CCDC73: variants seen among roughly 807,000 people sequenced by gnomAD.
The protein encoded by CCDC73 is coiled-coil domain-containing protein 73.
A neutral mutation model predicts 116.5 loss-of-function variants in CCDC73; 95 were observed. The ratio of observed to expected loss-of-function variants is 0.82; its 90% CI spans 0.69 to 0.97. The LOEUF is 0.97. Among genes scored for constraint, CCDC73 ranks in the 50% least tolerant of loss-of-function variants. The pLI, the probability that CCDC73 is intolerant of heterozygous loss-of-function variation, is 0.00. For missense variants in CCDC73, 1,066 were observed against 1,206.8 expected (o/e 0.88, Z 1.73); for synonymous variants, 398 against 401.3 (o/e 0.99, Z 0.10).
rs750853652 is a variant in CCDC73 at position 32,642,025 on chromosome 11, A to T, written c.997T>A (p.Phe333Ile). ...REKVKENEEK[F>I]LNLQNEHEKA... ...TCATGCTCATTTTGAAGATTAAGAAACTTTTCTTCATTTTCTTTTACCTTC... is the reference window on the plus strand; with the variant it reads ...TCATGCTCATTTTGAAGATTAAGAATCTTTTCTTCATTTTCTTTTACCTTC... The change falls in exon 13 of 18, where the codon TTT becomes ATT. Residue 333 changes from phenylalanine (F) to isoleucine (I), a missense_variant. Coordinates refer to ENST00000335185, the MANE Select transcript of CCDC73 (RefSeq NM_001008391.4). 2 of 1,567,988 alleles carry T rather than the reference A, an allele frequency of 1.3e-6. No homozygotes were observed. Among genetic ancestry groups the T allele is most frequent in the South Asian group, 2.4e-5 (2 of 82,144 alleles).
chr11:32,822,753 GAAA>G, the CCDC73 span, among the ~76,000 whole-genome samples: 1 of 151,184 alleles, frequency 6.6e-6, no homozygotes, highest in Non-Finnish European at 1.5e-5. Flanking sequence ...TGACTTAGAA[GAAA>G]TAAGAGGGAA....
chr11:32,620,371 C>T (rs1855512476), intron 14 of CCDC73, among the ~76,000 whole-genome samples: 2 of 151,966 alleles, frequency 1.3e-5, no homozygotes, highest in Non-Finnish European at 2.9e-5. Context: ...AGACAGAAAC[C>T]ACAGTTTTCT....
rs764026033 is a variant in CCDC73, at chr11:32,700,778, A to T, written c.315+13T>A. On this transcript the variant is annotated intron_variant, in intron 5 of 17. Transcript: ENST00000335185. Reference sequence around the variant, plus strand: ...TTTTAATAGACAGAAAATTTTAAAAAAATTATAAATACCTTTTCTTCTTCC... The same window carrying T: ...TTTTAATAGACAGAAAATTTTAAAATAATTATAAATACCTTTTCTTCTTCC... 7.4e-6 allele frequency: 10 copies of T among 1,348,458 alleles called. No individual in the cohort carries two copies. In the African/African-American group the frequency reaches 1.5e-4, roughly 20 times the overall value. The allele number at this position is 1,348,458 out of a possible 1,614,324, so 83.5% of individuals were successfully genotyped here. A position where few individuals can be genotyped will look rare whatever the true frequency, so the allele number is the denominator to read the frequency against.
At chr11:32,701,755 A>G (rs1274810043) in intron 4 of CCDC73, among the ~76,000 whole-genome samples, 1 of 152,140 alleles carries the variant, frequency 6.6e-6, no homozygotes, top group Non-Finnish European at 1.5e-5. Context: ...ACCAAAGGAA[A>G]ATTATGAAAT....
At chr11:32,699,889 T>A (rs1428714840) in intron 5 of CCDC73, among the ~76,000 whole-genome samples, 21 of 149,046 alleles carry the variant, frequency 1.4e-4, no homozygotes, top group African/African-American at 4.7e-4. Context: ...AATATATATA[T>A]ATATATATAT....
intron 2 of CCDC73, among the ~76,000 whole-genome samples, chr11:32,753,307 T>C (rs939990679): frequency 6.6e-6 from 1 of 150,996 alleles, no homozygotes; most frequent in Admixed American, 6.6e-5. Context: ...TTTTTTTTTT[T>C]TTCTTTTTGA....
chr11:32,759,524 G>T (rs936855696), intron 2 of CCDC73, among the ~76,000 whole-genome samples: 4 of 151,764 alleles, frequency 2.6e-5, no homozygotes, highest in African/African-American at 7.3e-5. Context: ...TAGAGACAGG[G>T]TTTCACCATG....
At chr11:32,762,217 C>T (rs968322475) in intron 1 of CCDC73, among the ~76,000 whole-genome samples, 3 of 152,072 alleles carry the variant, frequency 2.0e-5, no homozygotes, top group Non-Finnish European at 4.4e-5. Flanking sequence ...TGGACCAATC[C>T]TCCTACTAAA....
chr11:32,829,994 G>A, the CCDC73 span: 2 of 984,184 alleles, frequency 2.0e-6, no homozygotes, highest in Non-Finnish European at 2.4e-6. Flanking sequence ...GCGCCCCTCT[G>A]CGAACCCCAG....
At chr11:32,732,751 A>C (rs1230742545) in intron 2 of CCDC73, among the ~76,000 whole-genome samples, 1 of 152,198 alleles carries the variant, frequency 6.6e-6, no homozygotes, top group East Asian at 1.9e-4. Context: ...CCTGCCTTAC[A>C]AGAGCTCCTG....
intron 13 of CCDC73, among the ~76,000 whole-genome samples, chr11:32,639,759 C>A (rs1252815369): frequency 1.3e-5 from 2 of 152,032 alleles, no homozygotes; most frequent in Non-Finnish European, 1.5e-5. Context: ...AAATTGAATT[C>A]TTTTTGTGAC....
chr11:32,699,783 G>A (rs1367884011), intron 5 of CCDC73, among the ~76,000 whole-genome samples: 1 of 151,920 alleles, frequency 6.6e-6, no homozygotes, highest in African/African-American at 2.4e-5. Context: ...TAATGTTAAT[G>A]ACGAGTTAAT....
upstream of CCDC73, among the ~76,000 whole-genome samples, chr11:32,799,252 C>T (rs558151983): frequency 3.3e-5 from 5 of 152,086 alleles, no homozygotes; most frequent in East Asian, 9.7e-4. Flanking sequence ...CCACCACGCT[C>T]AGTTAATTTT....
At chr11:32,699,013 A>G (rs188724098) in intron 6 of CCDC73, among the ~76,000 whole-genome samples, 1 of 152,086 alleles carries the variant, frequency 6.6e-6, no homozygotes. Flanking sequence ...AAATGTATCT[A>G]TTTAACTATA....
rs140203183 is a variant in CCDC73 at position 32,738,341 on chromosome 11, T to C, written c.136-20194A>G. On this transcript the variant is annotated intron_variant, in intron 2 of 17. Transcript: ENST00000335185. ...ACCAACAGTGTATGAGGGTTCTCTT[T>C]TCTCCATATCCTCAACAACATTTGT... Among the ~76,000 whole-genome samples the C allele has an allele frequency of 8.3e-3, 1,272 of 152,346 alleles. 14 individuals carry two copies. The highest frequency in any genetic ancestry group is 0.014 in the Non-Finnish European group (956 of 68,032).
At chr11:32,701,488 C>G (rs1849812272) in intron 4 of CCDC73, among the ~76,000 whole-genome samples, 1 of 151,968 alleles carries the variant, frequency 6.6e-6, no homozygotes, top group African/African-American at 2.4e-5. Context: ...ATTGCTTGAG[C>G]CCAAGAGTTT....
intron 2 of CCDC73, among the ~76,000 whole-genome samples, chr11:32,742,499 G>A (rs143397721): frequency 7.9e-4 from 120 of 152,130 alleles, no homozygotes; most frequent in African/African-American, 2.7e-3. Context: ...TTTTTGATGG[G>A]GTTGTTTGCT....
the CCDC73 span, among the ~76,000 whole-genome samples, chr11:32,806,963 T>C: frequency 6.6e-6 from 1 of 152,124 alleles, no homozygotes; most frequent in Non-Finnish European, 1.5e-5. Context: ...ATAATCTGTT[T>C]TTAAGAAGGG....
chr11:32,803,118 G>T, the CCDC73 span, among the ~76,000 whole-genome samples: 1,904 of 151,412 alleles, frequency 0.013, 38 homozygotes, highest in African/African-American at 0.044. Flanking sequence ...TTTTGAGATG[G>T]AGTCTTGCTC....
Sources: gnomAD v4.1 joint callset for allele counts (sites outside exome capture counted in the v4.1 genomes callset) on GRCh38, gnomAD v4.1.1 for gene constraint, MANE v1.5 for transcripts, NCBI Gene and HGNC (gene_info 2026-07-23, HGNC 2026-07-21) for gene names.